Variants in PLPPR1 observed in about 807,000 individuals in gnomAD.
The protein encoded by PLPPR1 is phospholipid phosphatase related 1, also known as phospholipid phosphatase-related protein type 1.
In PLPPR1, 10 loss-of-function variants were observed where a neutral mutation model predicts 33.1. The observed-to-expected ratio is 0.30, with a 90% CI of 0.19 to 0.51. The LOEUF (loss-of-function observed/expected upper bound fraction) is 0.51. PLPPR1 is among the 20% of genes least tolerant of loss of function. The pLI, the probability that PLPPR1 is intolerant of heterozygous loss-of-function variation, is 0.97. For missense variants in PLPPR1, 304 were observed against 408.1 expected (o/e 0.74, Z 2.20); for synonymous variants, 151 against 151.0 (o/e 1.00, Z 0.00).
intron 1 of PLPPR1, among the ~76,000 whole-genome samples, chr9:101,085,572 C>A (rs1588021736): frequency 6.6e-6 from 1 of 151,876 alleles, no homozygotes; most frequent in East Asian, 1.9e-4. Context: ...CATTAAAAGA[C>A]AAAAGATACT....
intron 1 of PLPPR1, among the ~76,000 whole-genome samples, chr9:101,088,121 C>T (rs1830700628): frequency 1.3e-5 from 2 of 152,090 alleles, no homozygotes; most frequent in Non-Finnish European, 1.5e-5. Context: ...TCAATTCTAC[C>T]CTCCTTATCC....
At chr9:101,118,967 A>G (rs1831146198) in intron 1 of PLPPR1, among the ~76,000 whole-genome samples, 1 of 152,184 alleles carries the variant, frequency 6.6e-6, no homozygotes, top group South Asian at 2.1e-4. Flanking sequence ...CATCCATGAA[A>G]CATGAGAAGT....
chr9:101,164,360 CTTTTCT>C (rs1049448010), intron 1 of PLPPR1, among the ~76,000 whole-genome samples: 12 of 121,898 alleles, frequency 9.8e-5, no homozygotes, highest in African/African-American at 2.6e-4. Context: ...ATTTTCTTTT[CTTTTCT>C]TTTTTTTTTT....
intron 7 of PLPPR1, among the ~76,000 whole-genome samples, chr9:101,318,282 A>G (rs1410747061): frequency 7.0e-6 from 1 of 141,870 alleles, no homozygotes; most frequent in Non-Finnish European, 1.5e-5. Context: ...AATGAAGGGG[A>G]AAAAAATCTA....
At chr9:101,252,896 T>G (rs922328367) in intron 2 of PLPPR1, among the ~76,000 whole-genome samples, 1 of 152,102 alleles carries the variant, frequency 6.6e-6, no homozygotes, top group Non-Finnish European at 1.5e-5. Flanking sequence ...TATGGAGTCA[T>G]AAAATCATTT....
At chr9:101,192,541 A>G (rs1220472592) in intron 2 of PLPPR1, among the ~76,000 whole-genome samples, 1 of 152,176 alleles carries the variant, frequency 6.6e-6, no homozygotes, top group South Asian at 2.1e-4. Context: ...GGGGGGAAAA[A>G]AAACGTGGCT....
At chr9:101,268,433 G>A (rs1828037964) in intron 2 of PLPPR1, among the ~76,000 whole-genome samples, 2 of 152,280 alleles carry the variant, frequency 1.3e-5, no homozygotes, top group South Asian at 4.2e-4. Context: ...TGTGGCTAAA[G>A]CAATGGATAG....
intron 4 of PLPPR1, among the ~76,000 whole-genome samples, chr9:101,293,147 G>C (rs907897049): frequency 1.3e-5 from 2 of 151,856 alleles, no homozygotes; most frequent in African/African-American, 4.9e-5. Context: ...GGCAGGGGTT[G>C]CAATCCTAGT....
Position 101,312,959 on chromosome 9 carries a change from A to G in PLPPR1, c.798A>G (p.Ala266=), listed in dbSNP as rs1828985381. The change falls in exon 6 of 8, where the codon GCA becomes GCG. Residue 266 remains alanine, a synonymous_variant. Transcript: ENST00000374874. ...DVIAGFILGT[A]VALFLGMCVV... ...TTGCTGGTTTCATCCTGGGCACTGC[A>G]GTGGCCCTGTTTCTGGTAGGTTGAC... 1 of 1,614,082 alleles carries G rather than the reference A, an allele frequency of 6.2e-7. No individual in the cohort carries two copies. Among genetic ancestry groups the G allele is most frequent in the Non-Finnish European group, 8.5e-7 (1 of 1,179,944 alleles).
intron 1 of PLPPR1, among the ~76,000 whole-genome samples, chr9:101,137,394 C>T (rs532213216): frequency 6.6e-6 from 1 of 152,260 alleles, no homozygotes; most frequent in South Asian, 2.1e-4. Flanking sequence ...ACAAGAAATA[C>T]ATAGTTGGAT....
intron 2 of PLPPR1, among the ~76,000 whole-genome samples, chr9:101,207,072 C>A (rs1007454020): frequency 6.6e-6 from 1 of 152,070 alleles, no homozygotes; most frequent in Admixed American, 6.6e-5. Context: ...CCAGATTGTA[C>A]CTTTTATAAT....
At chr9:101,137,385 C>T (rs1227620836) in intron 1 of PLPPR1, among the ~76,000 whole-genome samples, 1 of 152,128 alleles carries the variant, frequency 6.6e-6, no homozygotes, top group South Asian at 2.1e-4. Flanking sequence ...GTTGGAGGGA[C>T]AAGAAATACA....
At chr9:101,150,454 T>C (rs1023026150) in intron 1 of PLPPR1, among the ~76,000 whole-genome samples, 2 of 152,344 alleles carry the variant, frequency 1.3e-5, no homozygotes, top group East Asian at 3.9e-4. Flanking sequence ...TATATTTATG[T>C]ACAATGAAAG....
chr9:101,051,714 A>G (rs2118445296), intron 1 of PLPPR1, among the ~76,000 whole-genome samples: 1 of 152,298 alleles, frequency 6.6e-6, no homozygotes, highest in African/African-American at 2.4e-5. Context: ...TTTTATGCAC[A>G]TGTTACTCTC....
intron 4 of PLPPR1, among the ~76,000 whole-genome samples, chr9:101,291,403 A>C (rs10120191): frequency 0.17 from 25,607 of 152,198 alleles, 2,931 homozygotes; most frequent in African/African-American, 0.32. Context: ...CTGCAGACTT[A>C]AATGTCCCTG....
At chr9:101,045,692 G>A (rs1028040185) in intron 1 of PLPPR1, among the ~76,000 whole-genome samples, 6 of 152,180 alleles carry the variant, frequency 3.9e-5, no homozygotes, top group Admixed American at 3.3e-4. Context: ...ACTGCCTTGT[G>A]GACATAGTAT....
chr9:101,082,325 C>T (rs1830630141), intron 1 of PLPPR1, among the ~76,000 whole-genome samples: 1 of 151,968 alleles, frequency 6.6e-6, no homozygotes, highest in Non-Finnish European at 1.5e-5. Flanking sequence ...ATTAGCTTAC[C>T]TAGATATTTT....
At chr9:101,168,153 C>T (rs1252520135) in intron 1 of PLPPR1, among the ~76,000 whole-genome samples, 2 of 152,144 alleles carry the variant, frequency 1.3e-5, no homozygotes, top group Non-Finnish European at 2.9e-5. Flanking sequence ...GGTGGGGACA[C>T]AGCCAAACCA....
At position 101,126,360 on chromosome 9, in the gene PLPPR1, C is replaced by T. The variant is rs535957337; in HGVS notation, c.-45-59090C>T. 3.9e-5 allele frequency among the ~76,000 whole-genome samples: 6 copies of T among 152,324 alleles called. No homozygotes were observed. The South Asian group carries it at 1.2e-3, about 32-fold the overall frequency. On this transcript the variant is annotated intron_variant, in intron 1 of 7. Coordinates refer to ENST00000374874, the MANE Select transcript of PLPPR1 (RefSeq NM_207299.2). ...TAGACCAGACCTTCTAAGCAATAGA[C>T]CAACTGTTCCTGAGGGCAAGCGTCC...
Sources: gnomAD v4.1 joint callset for allele counts (sites outside exome capture counted in the v4.1 genomes callset) on GRCh38, gnomAD v4.1.1 for gene constraint, MANE v1.5 for transcripts, NCBI Gene and HGNC (gene_info 2026-07-23, HGNC 2026-07-21) for gene names.